Variants in KCNH1 observed in about 807,000 individuals in gnomAD.
KCNH1 encodes voltage-gated delayed rectifier potassium channel KCNH1.
Under a neutral mutation model 69.2 loss-of-function variants are expected in KCNH1, and 27 were observed. That is an observed-to-expected ratio of 0.39 (90% CI 0.29 to 0.54). The LOEUF (loss-of-function observed/expected upper bound fraction) is 0.54. Ranked by LOEUF, KCNH1 falls within the 20% of genes least tolerant of loss-of-function variation. KCNH1 has a pLI of 0.68. For missense variants in KCNH1, 798 were observed against 1,261.6 expected, an observed-to-expected ratio of 0.63 and a Z score of 5.57; for synonymous variants, 456 against 487.7, an observed-to-expected ratio of 0.93 and a Z score of 0.86.
intron 7 of KCNH1, among the ~76,000 whole-genome samples, chr1:210,915,571 T>C (rs1574336112): frequency 6.8e-6 from 1 of 147,392 alleles, no homozygotes; most frequent in Middle Eastern, 3.5e-3. Context: ...AGAAGCTGGC[T>C]TGCCCCTGAT....
chr1:210,769,880 G>A (rs1016665188), intron 10 of KCNH1, among the ~76,000 whole-genome samples: 2 of 152,152 alleles, frequency 1.3e-5, no homozygotes, highest in African/African-American at 4.8e-5. Context: ...CTCTAAGACT[G>A]GAGGTGGAAG....
chr1:210,973,573 T>C (rs1235260879), intron 6 of KCNH1, among the ~76,000 whole-genome samples: 1 of 152,184 alleles, frequency 6.6e-6, no homozygotes, highest in Non-Finnish European at 1.5e-5. Context: ...AATGAAATTG[T>C]TTAAAGGAAG....
chr1:210,805,836 T>A (rs1183805259), intron 7 of KCNH1, among the ~76,000 whole-genome samples: 1 of 152,232 alleles, frequency 6.6e-6, no homozygotes. Context: ...TCACATAATA[T>A]GCGGTCTTCC....
intron 5 of KCNH1, among the ~76,000 whole-genome samples, chr1:211,055,435 T>C (rs1690286502): frequency 6.6e-6 from 1 of 152,224 alleles, no homozygotes; most frequent in African/African-American, 2.4e-5. Flanking sequence ...GCCATGCCAC[T>C]GCAAGCCAAA....
At chr1:210,767,552 G>GTGGA (rs1683661678) in intron 10 of KCNH1, among the ~76,000 whole-genome samples, 1 of 152,192 alleles carries the variant, frequency 6.6e-6, no homozygotes, top group Non-Finnish European at 1.5e-5. Flanking sequence ...ACTAGCTCTA[G>GTGGA]TGGATTTTTA....
chr1:210,819,949 T>A (rs1291752941), intron 7 of KCNH1, among the ~76,000 whole-genome samples: 1 of 152,228 alleles, frequency 6.6e-6, no homozygotes, highest in African/African-American at 2.4e-5. Context: ...CCCAAGGAGA[T>A]GCACATCATG....
intron 10 of KCNH1, among the ~76,000 whole-genome samples, chr1:210,721,806 A>AATAC (rs1315561065): frequency 3.6e-4 from 34 of 95,232 alleles, no homozygotes; most frequent in Admixed American, 5.7e-4. Context: ...AATAAAAATA[A>AATAC]ATAAATAAAT....
intron 7 of KCNH1, among the ~76,000 whole-genome samples, chr1:210,870,506 C>A (rs1046892281): frequency 6.6e-6 from 1 of 152,132 alleles, no homozygotes; most frequent in Non-Finnish European, 1.5e-5. Flanking sequence ...CCCAGGTGCC[C>A]TCACTCATCT....
chr1:210,926,680 T>C (rs539900541), intron 6 of KCNH1, among the ~76,000 whole-genome samples: 1 of 152,192 alleles, frequency 6.6e-6, no homozygotes, highest in African/African-American at 2.4e-5. Context: ...CAAAAGATCA[T>C]ACCAGCTCAC....
chr1:210,882,498 T>G (rs1368760454), intron 7 of KCNH1, among the ~76,000 whole-genome samples: 3 of 152,108 alleles, frequency 2.0e-5, no homozygotes, highest in Admixed American at 2.0e-4. Context: ...AAAATAGCCC[T>G]CGGAAATCAA....
chr1:211,107,401 A>C, intron 1 of KCNH1, 24 bp from the exon 2 acceptor site: 2 of 1,600,322 alleles, frequency 1.2e-6, no homozygotes, highest in Non-Finnish European at 1.7e-6. Context: ...AAAAAAGGGA[A>C]AAAAGGGCAC....
intron 7 of KCNH1, among the ~76,000 whole-genome samples, chr1:210,835,040 T>C: frequency 6.6e-6 from 1 of 152,198 alleles, no homozygotes; most frequent in East Asian, 1.9e-4. Flanking sequence ...CTTCTGAAGA[T>C]AGGAGAGAAC....
rs529999308 is a variant in KCNH1 at position 210,690,445 on chromosome 1, C to T, written c.2113-6307G>A. 5.3e-5 allele frequency among the ~76,000 whole-genome samples: 8 copies of T among 152,298 alleles called. No individual in the cohort carries two copies. The South Asian group carries it at 1.7e-3, about 32-fold the overall frequency. On this transcript the variant is annotated intron_variant, in intron 10 of 10. Coordinates refer to ENST00000271751, the MANE Select transcript of KCNH1 (RefSeq NM_172362.3). ...ATAATATCCCCACAGGCTCACTTGA[C>T]GTAGCTTTCCTCGTGGTTTCCTCAC... is the stretch of plus-strand genomic sequence containing the variant.
intron 7 of KCNH1, among the ~76,000 whole-genome samples, chr1:210,827,380 C>T (rs532026199): frequency 2.0e-5 from 3 of 152,046 alleles, no homozygotes; most frequent in Non-Finnish European, 2.9e-5. Context: ...CTTTTAAAAT[C>T]CCTTTATGAC....
At chr1:210,797,839 G>A in intron 8 of KCNH1, 79 bp from the exon 9 acceptor site, 1 of 1,511,078 alleles carries the variant, frequency 6.6e-7, no homozygotes, top group East Asian at 2.3e-5. Flanking sequence ...TCTAGGGGGA[G>A]GAGCAACATC....
chr1:211,056,016 C>T (rs968364281), intron 5 of KCNH1, among the ~76,000 whole-genome samples: 5 of 152,004 alleles, frequency 3.3e-5, no homozygotes, highest in African/African-American at 1.2e-4. Flanking sequence ...GGGAGAGTCT[C>T]CTTTTGCTTG....
At chr1:210,992,060 C>T (rs1688948445) in intron 6 of KCNH1, among the ~76,000 whole-genome samples, 1 of 152,188 alleles carries the variant, frequency 6.6e-6, no homozygotes. Context: ...TCTTTTGGAT[C>T]ATTTCCTAGG....
chr1:210,958,064 C>T (rs530702273), intron 6 of KCNH1, among the ~76,000 whole-genome samples: 2 of 152,258 alleles, frequency 1.3e-5, no homozygotes, highest in South Asian at 4.1e-4. Context: ...TTGTTCCTTT[C>T]CATGTTTAGT....
intron 7 of KCNH1, among the ~76,000 whole-genome samples, chr1:210,886,288 C>T (rs754979528): frequency 1.2e-4 from 18 of 152,146 alleles, no homozygotes; most frequent in Non-Finnish European, 1.8e-4. Flanking sequence ...CTCCAGCAGA[C>T]CCGCAGCAGA....
Sources: gnomAD v4.1 joint callset for allele counts (sites outside exome capture counted in the v4.1 genomes callset) on GRCh38, gnomAD v4.1.1 for gene constraint, MANE v1.5 for transcripts, NCBI Gene and HGNC (gene_info 2026-07-23, HGNC 2026-07-21) for gene names.